Variants in HMG20A observed in about 807,000 individuals in gnomAD.
HMG20A encodes the protein high mobility group protein 20A.
In HMG20A, 17 loss-of-function variants were observed where a neutral mutation model predicts 43.9. That is an observed-to-expected ratio of 0.39 (90% CI 0.27 to 0.58). The LOEUF is 0.58. Among genes scored for constraint, HMG20A ranks in the 20% least tolerant of loss-of-function variants. HMG20A has a pLI of 0.59. For synonymous variants in HMG20A, 132 were observed against 147.5 expected, an observed-to-expected ratio of 0.89 and a Z score of 0.76; for missense variants, 341 against 438.2, an observed-to-expected ratio of 0.78 and a Z score of 1.98.
At chr15:77,478,607 A>G (rs1289528547) in intron 8 of HMG20A, 97 bp downstream of exon 8, 1 of 894,008 alleles carries the variant, frequency 1.1e-6, no homozygotes, top group Non-Finnish European at 1.7e-6. Flanking sequence ...AGAGATTGAA[A>G]TCTCCTCCAG....
chr15:77,421,051 TTCACCCCTTGAAGA>T, intron 1 of HMG20A, 47 bp downstream of exon 1: 1 of 398,088 alleles, frequency 2.5e-6, no homozygotes, highest in African/African-American at 2.1e-5. Context: ...CGAGATGCCC[TTCACCCCTTGAAGA>T]TCACCCCTCT....
At chr15:77,472,410 G>A (rs955357851) in intron 6 of HMG20A, among the ~76,000 whole-genome samples, 1 of 152,156 alleles carries the variant, frequency 6.6e-6, no homozygotes, top group Non-Finnish European at 1.5e-5. Flanking sequence ...GAGTAGCTGG[G>A]ACTACAGGCT....
the HMG20A span, among the ~76,000 whole-genome samples, chr15:77,502,506 C>T: frequency 6.6e-5 from 10 of 152,214 alleles, no homozygotes; most frequent in East Asian, 1.9e-4. Context: ...TCTGCTAACA[C>T]GTAAAGTTGG....
the HMG20A span, among the ~76,000 whole-genome samples, chr15:77,503,838 C>CT: frequency 1.5e-4 from 23 of 152,270 alleles, no homozygotes; most frequent in Non-Finnish European, 2.8e-4. Flanking sequence ...ACAAGCTCGC[C>CT]TGTGATATGT....
intron 1 of HMG20A, among the ~76,000 whole-genome samples, chr15:77,428,574 CAAG>C (rs753648905): frequency 2.6e-5 from 4 of 152,080 alleles, no homozygotes; most frequent in Non-Finnish European, 5.9e-5. Flanking sequence ...GAATATAAAA[CAAG>C]AGATACGATG....
At chr15:77,510,318 G>A in the HMG20A span, among the ~76,000 whole-genome samples, 1 of 152,232 alleles carries the variant, frequency 6.6e-6, no homozygotes, top group African/African-American at 2.4e-5. Flanking sequence ...ACCTGGCAGT[G>A]GGCCTGAACC....
the HMG20A span, among the ~76,000 whole-genome samples, chr15:77,493,470 CA>C: frequency 6.6e-6 from 1 of 152,066 alleles, no homozygotes; most frequent in African/African-American, 2.4e-5. Flanking sequence ...ATCACCAGCC[CA>C]AGGATCTGGG....
At chr15:77,516,927 G>C in the HMG20A span, among the ~76,000 whole-genome samples, 1 of 152,192 alleles carries the variant, frequency 6.6e-6, no homozygotes, top group African/African-American at 2.4e-5. Context: ...GCAGGGTGGA[G>C]GCTGCTGTGA....
At chr15:77,445,716 C>T (rs2073666725) in intron 1 of HMG20A, among the ~76,000 whole-genome samples, 1 of 152,056 alleles carries the variant, frequency 6.6e-6, no homozygotes, top group Non-Finnish European at 1.5e-5. Flanking sequence ...ACCAGCCCTG[C>T]GATACTGCGA....
chr15:77,513,732 CTTTT>C, the HMG20A span, among the ~76,000 whole-genome samples: 1 of 143,178 alleles, frequency 7.0e-6, no homozygotes. Context: ...TCACTACCTC[CTTTT>C]TTTTTTTTTT....
At chr15:77,505,036 C>A in the HMG20A span, among the ~76,000 whole-genome samples, 2 of 152,208 alleles carry the variant, frequency 1.3e-5, no homozygotes, top group Non-Finnish European at 2.9e-5. Flanking sequence ...GAGCACTGAA[C>A]AGGGGATGTG....
Position 77,471,817 on chromosome 15 carries a change from AATT to A in HMG20A, c.615+5_615+7del. On this transcript the variant is annotated splice_donor_5th_base_variant and intron_variant, in intron 6 of 9. Coordinates refer to ENST00000336216, the MANE Select transcript of HMG20A (RefSeq NM_001304504.2). ...GGCAGGCCACTCATGATCATGAGGTAATTAGCCATCTGTCTACATATCATATAT... is the reference window on the plus strand; with the variant it reads ...GGCAGGCCACTCATGATCATGAGGTAAGCCATCTGTCTACATATCATATAT... 6.5e-7 allele frequency: 1 copy of A among 1,532,134 alleles called. No individual in the cohort carries two copies. The highest frequency in any genetic ancestry group is 1.8e-5 in the Admixed American group (1 of 55,738). 94.9% of individuals were successfully genotyped at this position (1,532,134 alleles called of 1,614,324 possible). A position where few individuals can be genotyped will look rare whatever the true frequency, so the allele number is the denominator to read the frequency against.
chr15:77,435,664 C>G (rs1321143678), intron 1 of HMG20A, among the ~76,000 whole-genome samples: 1 of 152,138 alleles, frequency 6.6e-6, no homozygotes. Context: ...TATTATTTTT[C>G]TCTACATTCC....
chr15:77,519,705 T>C, the HMG20A span, among the ~76,000 whole-genome samples: 5 of 152,114 alleles, frequency 3.3e-5, no homozygotes, highest in Non-Finnish European at 5.9e-5. Flanking sequence ...AGCAAAAAAA[T>C]TCTGTTGTTT....
chr15:77,489,166 T>C (rs1194997222), downstream of HMG20A, among the ~76,000 whole-genome samples: 1 of 152,210 alleles, frequency 6.6e-6, no homozygotes, highest in African/African-American at 2.4e-5. Flanking sequence ...ATATAAGTTG[T>C]TATAATTTGT....
At position 77,440,602 on chromosome 15, in the gene HMG20A, G is replaced by C. The variant is rs142944207; in HGVS notation, c.-4-17802G>C. On this transcript the variant is annotated intron_variant, in intron 1 of 9. Transcript: ENST00000336216. ...TCAACATGGGGCTATGCTATTTGTG[G>C]TCACTTAGACAACCAGGCGGATGTA... 4.8e-3 allele frequency among the ~76,000 whole-genome samples: 727 copies of C among 152,250 alleles called. 4 individuals carry two copies. Among genetic ancestry groups the C allele is most frequent in the African/African-American group, 0.016 (676 of 41,548 alleles).
intron 1 of HMG20A, among the ~76,000 whole-genome samples, chr15:77,425,742 A>G (rs1204999962): frequency 6.6e-6 from 1 of 152,194 alleles, no homozygotes; most frequent in Non-Finnish European, 1.5e-5. Context: ...AGATTTTTAT[A>G]TCAAATATTT....
downstream of HMG20A, among the ~76,000 whole-genome samples, chr15:77,487,312 T>C (rs995592658): frequency 6.6e-6 from 1 of 152,206 alleles, no homozygotes; most frequent in Non-Finnish European, 1.5e-5. Context: ...AGAAAATGAA[T>C]ATAGAGTAGG....
intron 3 of HMG20A, 71 bp from the exon 4 acceptor site, chr15:77,467,024 G>A (rs1854811053): frequency 2.4e-6 from 3 of 1,267,064 alleles, no homozygotes; most frequent in Non-Finnish European, 3.3e-6. Context: ...GTTTGTTTTT[G>A]TTGTTGTTGG....
Sources: gnomAD v4.1 joint callset for allele counts (sites outside exome capture counted in the v4.1 genomes callset) on GRCh38, gnomAD v4.1.1 for gene constraint, MANE v1.5 for transcripts, NCBI Gene and HGNC (gene_info 2026-07-23, HGNC 2026-07-21) for gene names.